The following CTNNA3 variants were observed in gnomAD, a reference collection of about 807,000 sequenced individuals.
The protein encoded by CTNNA3 is catenin alpha-3.
In CTNNA3, 76 loss-of-function variants were observed where a neutral mutation model predicts 95.7. The ratio of observed to expected loss-of-function variants is 0.79; its 90% confidence interval spans 0.66 to 0.96. CTNNA3 has a LOEUF of 0.96. Ranked by LOEUF, CTNNA3 falls within the 40% of genes least tolerant of loss-of-function variation. The pLI is 0.00. For missense variants in CTNNA3, 1,191 were observed against 1,089.8 expected, an observed-to-expected ratio of 1.09 and a Z score of -1.31; for synonymous variants, 431 against 374.4, an observed-to-expected ratio of 1.15 and a Z score of -1.74.
chr10:66,750,862 T>C (rs1027103838), intron 9 of CTNNA3, among the ~76,000 whole-genome samples: 1 of 152,232 alleles, frequency 6.6e-6, no homozygotes, highest in Non-Finnish European at 1.5e-5. Flanking sequence ...TCTCCATTTA[T>C]TTAGACTTTT....
At chr10:65,967,999 A>C (rs1000649450) in intron 16 of CTNNA3, among the ~76,000 whole-genome samples, 3 of 152,216 alleles carry the variant, frequency 2.0e-5, no homozygotes, top group African/African-American at 7.2e-5. Flanking sequence ...TATCAAGAAA[A>C]TAGAGTTTCA....
intron 2 of CTNNA3, among the ~76,000 whole-genome samples, chr10:67,619,832 T>C (rs1005220339): frequency 2.0e-5 from 3 of 152,166 alleles, no homozygotes; most frequent in Non-Finnish European, 2.9e-5. Flanking sequence ...TGAGCTCCCC[T>C]GCACAAAACT....
intron 14 of CTNNA3, 147 bp from the exon 15 acceptor site, chr10:66,069,636 A>C (rs1489116818): frequency 1.8e-6 from 1 of 560,444 alleles, no homozygotes; most frequent in African/African-American, 2.0e-5. Context: ...AAAACTTTCC[A>C]GGCTTAATAT....
chr10:67,247,877 A>G (rs543012485), intron 5 of CTNNA3, among the ~76,000 whole-genome samples: 1 of 152,190 alleles, frequency 6.6e-6, no homozygotes, highest in African/African-American at 2.4e-5. Context: ...CAGTTTCAAA[A>G]CCTACTACAA....
chr10:67,402,337 A>C (rs1319720954), intron 5 of CTNNA3, among the ~76,000 whole-genome samples: 3 of 152,214 alleles, frequency 2.0e-5, no homozygotes, highest in African/African-American at 7.2e-5. Context: ...AAGCTGAGGA[A>C]AGAATCTGAG....
intron 13 of CTNNA3, among the ~76,000 whole-genome samples, chr10:66,158,756 A>G (rs1045084688): frequency 2.8e-4 from 43 of 152,064 alleles, no homozygotes; most frequent in African/African-American, 5.6e-4. Context: ...CATTTTCACA[A>G]TATTGATTCT....
Position 67,050,032 on chromosome 10 carries a change from A to C in CTNNA3, c.1047+130285T>G, listed in dbSNP as rs569332566. 2.0e-5 allele frequency among the ~76,000 whole-genome samples: 3 copies of C among 152,318 alleles called. No individual in the cohort carries two copies. The South Asian group carries it at 6.2e-4, about 32-fold the overall frequency. ...TTGTAAGTTAGTAGATGCTGATCTC[A>C]CCAATTCATTGACTGTGGCTAGGCA... On this transcript the variant is annotated intron_variant, in intron 7 of 17. Transcript: ENST00000433211.
intron 5 of CTNNA3, among the ~76,000 whole-genome samples, chr10:67,222,813 G>T (rs1864721971): frequency 6.6e-6 from 1 of 152,172 alleles, no homozygotes; most frequent in Admixed American, 6.5e-5. Context: ...TCTTTATTTA[G>T]AAGGACAGTG....
chr10:67,255,006 T>C (rs1484516388), intron 5 of CTNNA3, among the ~76,000 whole-genome samples: 1 of 152,138 alleles, frequency 6.6e-6, no homozygotes, highest in Non-Finnish European at 1.5e-5. Context: ...AAAACCACAA[T>C]AATTTCTGGC....
intron 1 of CTNNA3, among the ~76,000 whole-genome samples, chr10:67,741,346 C>CAAAAAAAAAA (rs542236311): frequency 7.8e-6 from 1 of 128,542 alleles, no homozygotes; most frequent in Non-Finnish European, 1.7e-5. Context: ...AAAAAAAGAA[C>CAAAAAAAAAA]AAAAAAAAAA....
At chr10:66,928,712 G>A (rs1376934073) in intron 7 of CTNNA3, among the ~76,000 whole-genome samples, 1 of 152,172 alleles carries the variant, frequency 6.6e-6, no homozygotes, top group Non-Finnish European at 1.5e-5. Context: ...AATACCTATT[G>A]TATAAGACCC....
At chr10:66,841,904 A>G (rs1843078344) in intron 7 of CTNNA3, among the ~76,000 whole-genome samples, 2 of 152,118 alleles carry the variant, frequency 1.3e-5, no homozygotes, top group South Asian at 4.1e-4. Flanking sequence ...AGGAAAGACT[A>G]TACCTCTGTG....
chr10:66,069,532 C>A, intron 14 of CTNNA3, 43 bp from the exon 15 acceptor site: 1 of 1,469,956 alleles, frequency 6.8e-7, no homozygotes, highest in South Asian at 1.3e-5. Flanking sequence ...TCCACTATGT[C>A]AAAAGCATTT....
intron 16 of CTNNA3, among the ~76,000 whole-genome samples, chr10:65,970,699 T>C (rs952948625): frequency 1.4e-5 from 2 of 148,092 alleles, no homozygotes; most frequent in Non-Finnish European, 3.0e-5. Context: ...GTAAAATATA[T>C]GTATTTTAAA....
At chr10:66,151,479 T>G (rs1427564267) in intron 13 of CTNNA3, among the ~76,000 whole-genome samples, 2 of 152,016 alleles carry the variant, frequency 1.3e-5, no homozygotes, top group African/African-American at 4.8e-5. Context: ...GTTTGTTTTC[T>G]TATGTTTGGT....
chr10:66,481,463 T>TGCA (rs1589310545), intron 11 of CTNNA3, among the ~76,000 whole-genome samples: 888 of 23,000 alleles, frequency 0.039, 78 homozygotes, highest in East Asian at 0.22. Flanking sequence ...CCTTGTTTCT[T>TGCA]TTTTTTTTTT....
rs185755722 is a variant in CTNNA3, at chr10:67,722,878, T to G, written c.-2+40556A>C. ...TATTTTAAATGTTGATGAAATAGAT[T>G]AAAATCCCTTCTATGGATTTCTTAT... is the stretch of plus-strand genomic sequence containing the variant. On this transcript the variant is annotated intron_variant, in intron 1 of 17. Transcript: ENST00000684154. 5.6e-4 allele frequency among the ~76,000 whole-genome samples: 85 copies of G among 152,284 alleles called. 2 individuals carry two copies. Among genetic ancestry groups the G allele is most frequent in the Middle Eastern group, 3.4e-3 (1 of 294 alleles).
At chr10:66,577,295 T>C (rs1316075994) in intron 10 of CTNNA3, among the ~76,000 whole-genome samples, 1 of 152,084 alleles carries the variant, frequency 6.6e-6, no homozygotes, top group African/African-American at 2.4e-5. Flanking sequence ...ATTCTATTGA[T>C]AGTTTCTTTT....
At chr10:66,384,443 A>G (rs1419705414) in intron 11 of CTNNA3, among the ~76,000 whole-genome samples, 1 of 152,190 alleles carries the variant, frequency 6.6e-6, no homozygotes, top group African/African-American at 2.4e-5. Flanking sequence ...TCATAAAGCA[A>G]GTCCTTAGAG....
Sources: gnomAD v4.1 joint callset for allele counts (sites outside exome capture counted in the v4.1 genomes callset) on GRCh38, gnomAD v4.1.1 for gene constraint, MANE v1.5 for transcripts, NCBI Gene and HGNC (gene_info 2026-07-23, HGNC 2026-07-21) for gene names.